Variants in QRSL1 observed in about 807,000 individuals in gnomAD.
QRSL1 encodes the protein glutamyl-tRNA(Gln) amidotransferase subunit A, mitochondrial.
In QRSL1, 54 loss-of-function variants were observed where a neutral mutation model predicts 61.6. The ratio of observed to expected loss-of-function variants is 0.88; its 90% CI spans 0.70 to 1.10. The LOEUF is 1.10. QRSL1 is among the 50% of genes least tolerant of loss of function. The probability of loss-of-function intolerance (pLI) is 0.00; values close to 1 mark genes in which losing one functional copy is unlikely to be tolerated. For missense variants in QRSL1, 505 were observed against 622.6 expected, an observed-to-expected ratio of 0.81 and a Z score of 2.01; for synonymous variants, 228 against 225.7, an observed-to-expected ratio of 1.01 and a Z score of -0.09.
chr6:106,634,505 G>A (rs1053622410), intron 1 of QRSL1, among the ~76,000 whole-genome samples: 1 of 152,220 alleles, frequency 6.6e-6, no homozygotes, highest in Non-Finnish European at 1.5e-5. Context: ...AATGGCTCAC[G>A]CCTTTAAACC....
chr6:106,640,233 C>G, intron 1 of QRSL1, 116 bp from the exon 2 acceptor site: 1 of 893,728 alleles, frequency 1.1e-6, no homozygotes, highest in East Asian at 2.6e-5. Flanking sequence ...ATTTTGAACC[C>G]AAGCCTCACT....
Position 106,654,769 on chromosome 6 carries a change from C to T in QRSL1, c.889C>T (p.Leu297Phe), listed in dbSNP as rs1777241649. Residue 297 changes from leucine to phenylalanine, a missense_variant, in exon 8 of 11, where the codon CTT becomes TTT. Leu to Phe is a conservative substitution (Grantham distance 22). Transcript: ENST00000369046. ...VPELSSEVQS[L>F]WSKAADLFES... ...GGAATTATCAAGTGAAGTACAGTCT[C>T]TTTGGTCCAAAGCTGCTGACCTCTT... The T allele has an allele frequency of 6.2e-7, 1 of 1,612,738 alleles. No homozygotes were observed. The highest frequency in any genetic ancestry group is 1.7e-5 in the Admixed American group (1 of 59,630).
At chr6:106,643,178 T>A in intron 4 of QRSL1, 88 bp downstream of exon 4, 1 of 847,764 alleles carries the variant, frequency 1.2e-6, no homozygotes, top group Non-Finnish European at 1.9e-6. Context: ...ATTGAGGATC[T>A]AATGCCAGTT....
Position 106,656,452 on chromosome 6 carries a change from C to T in QRSL1, c.1160+720C>T, listed in dbSNP as rs140168401. Among the ~76,000 whole-genome samples the T allele has an allele frequency of 5.9e-5, 9 of 152,336 alleles. No homozygotes were observed. The East Asian group carries it at 1.5e-3, about 26-fold the overall frequency. Reference sequence around the variant, plus strand: ...GAATTCAGAATGACTATGACTCCTCCTTCAATTGTCTTCATTATGAGTTTA... The same window carrying T: ...GAATTCAGAATGACTATGACTCCTCTTTCAATTGTCTTCATTATGAGTTTA... On this transcript the variant is annotated intron_variant, in intron 9 of 10. Transcript: ENST00000369046.
chr6:106,629,654 C>T lies in QRSL1; in HGVS notation c.-28C>T. The T allele has an allele frequency of 6.3e-7, 1 of 1,598,740 alleles. No homozygotes were observed. The highest frequency in any genetic ancestry group is 8.5e-7 in the Non-Finnish European group (1 of 1,173,364). Reference sequence around the variant, plus strand: ...CCTCTTTTTCCCCCTTGCCTGGCTCCTGTGGTGGCAGGCTGGGCACGAGGA... The same window carrying T: ...CCTCTTTTTCCCCCTTGCCTGGCTCTTGTGGTGGCAGGCTGGGCACGAGGA... On this transcript the variant is annotated 5_prime_UTR_variant, in exon 1 of 11. Transcript: ENST00000369046.
Position 106,652,583 on chromosome 6 carries a change from G to GT in QRSL1, c.849+2dup. 1 of 1,614,108 alleles carries GT rather than the reference G, an allele frequency of 6.2e-7. No homozygotes were observed. The highest frequency in any genetic ancestry group is 8.5e-7 in the Non-Finnish European group (1 of 1,180,032). On this transcript the variant is annotated splice_donor_variant, in intron 7 of 10. Coordinates refer to ENST00000369046, the MANE Select transcript of QRSL1 (RefSeq NM_018292.5). LOFTEE classifies it high-confidence loss of function. The stretch of plus-strand genomic sequence containing the variant: ...CAAACTATGTATAGGAATTCCAAAG[G>GT]TAACTTTTTCCTTTCATTACTTTAC...
Position 106,629,614 on chromosome 6 carries a change from A to C in QRSL1, c.-68A>C. The stretch of plus-strand genomic sequence containing the variant: ...AAGATGGCTGCGCCCATGTAACATC[A>C]CTAGCGACCGGTGACCTCTTTTTCC... On this transcript the variant is annotated 5_prime_UTR_variant, in exon 1 of 11. Coordinates refer to ENST00000369046, the MANE Select transcript of QRSL1 (RefSeq NM_018292.5). 2 of 1,552,732 alleles carry C rather than the reference A, an allele frequency of 1.3e-6. No individual in the cohort carries two copies. Among genetic ancestry groups the C allele is most frequent in the Non-Finnish European group, 8.7e-7 (1 of 1,147,740 alleles).
At chr6:106,632,703 G>T (rs1310575631) in intron 1 of QRSL1, among the ~76,000 whole-genome samples, 3 of 152,178 alleles carry the variant, frequency 2.0e-5, no homozygotes, top group Non-Finnish European at 4.4e-5. Flanking sequence ...ATTCTCTGAT[G>T]ATCAGTGATG....
At chr6:106,644,221 T>C (rs925324264) in intron 4 of QRSL1, among the ~76,000 whole-genome samples, 2 of 152,224 alleles carry the variant, frequency 1.3e-5, no homozygotes, top group Non-Finnish European at 2.9e-5. Flanking sequence ...AGACAGGGTC[T>C]CACTGGGTTT....
In QRSL1 at chr6:106,667,196, A is replaced by G. The variant is rs112584591; in HGVS notation, c.*1194A>G. 10 of 152,352 alleles carry G rather than the reference A, an allele frequency of 6.6e-5. No individual in the cohort carries two copies. The highest frequency in any genetic ancestry group is 2.4e-4 in the African/African-American group (10 of 41,582). 9.4% of individuals were successfully genotyped at this position (152,352 alleles called of 1,614,324 possible). ...CATACACTCTGAAAAACATGCAGAT[A>G]ATTTGCTGATGAAGCAGAAGAGGGG... On this transcript the variant is annotated 3_prime_UTR_variant, in exon 11 of 11. Coordinates refer to ENST00000369046, the MANE Select transcript of QRSL1 (RefSeq NM_018292.5).
chr6:106,642,638 G>A (rs1042937243), intron 3 of QRSL1: 2 of 781,504 alleles, frequency 2.6e-6, no homozygotes, highest in African/African-American at 3.4e-5. Flanking sequence ...CAAAACTGGA[G>A]AGTACACAGT....
At chr6:106,657,119 A>C (rs1777283178) in intron 9 of QRSL1, among the ~76,000 whole-genome samples, 1 of 152,204 alleles carries the variant, frequency 6.6e-6, no homozygotes, top group South Asian at 2.1e-4. Flanking sequence ...AAATACAAAA[A>C]TTAGCTGGGC....
At chr6:106,641,923 T>C (rs1253771563) in intron 3 of QRSL1, among the ~76,000 whole-genome samples, 9 of 152,244 alleles carry the variant, frequency 5.9e-5, no homozygotes, top group Admixed American at 5.9e-4. Context: ...AGACTATCTT[T>C]GGAAAACATA....
At chr6:106,638,129 A>T (rs115423910) in intron 1 of QRSL1, among the ~76,000 whole-genome samples, 127 of 152,266 alleles carry the variant, frequency 8.3e-4, no homozygotes, top group African/African-American at 2.9e-3. Flanking sequence ...CAACTTAGCC[A>T]TGGGATGGGC....
chr6:106,665,276 C>T (rs1461657248), intron 10 of QRSL1, among the ~76,000 whole-genome samples: 1 of 152,164 alleles, frequency 6.6e-6, no homozygotes, highest in East Asian at 1.9e-4. Context: ...AAAAACTGAA[C>T]AACACACTCT....
At chr6:106,642,558 A>C in intron 3 of QRSL1, 2 of 729,770 alleles carry the variant, frequency 2.7e-6, no homozygotes, top group East Asian at 2.5e-5. Flanking sequence ...TGAACCTATA[A>C]GAAAGGTGAT....
intron 4 of QRSL1, among the ~76,000 whole-genome samples, chr6:106,647,474 A>G (rs1355381397): frequency 6.8e-6 from 1 of 146,538 alleles, no homozygotes. Flanking sequence ...AACCTGGATC[A>G]CTTGAAACCG....
intron 1 of QRSL1, among the ~76,000 whole-genome samples, chr6:106,635,822 GA>G (rs1044600462): frequency 1.3e-5 from 2 of 150,474 alleles, no homozygotes; most frequent in Non-Finnish European, 2.9e-5. Context: ...AGTGAGCCGA[GA>G]TCGCACCACT....
At chr6:106,643,595 G>A (rs912621407) in intron 4 of QRSL1, among the ~76,000 whole-genome samples, 3 of 151,508 alleles carry the variant, frequency 2.0e-5, no homozygotes, top group African/African-American at 4.8e-5. Flanking sequence ...CGGGAGAATC[G>A]CTTGAACCCG....
Sources: allele counts gnomAD v4.1 joint callset (sites outside exome capture counted in the v4.1 genomes callset), GRCh38; gene constraint gnomAD v4.1.1; transcripts MANE v1.5; gene names NCBI Gene and HGNC (gene_info 2026-07-23, HGNC 2026-07-21).